The following FAT1 variants were observed in gnomAD, a reference collection of about 807,000 sequenced individuals.
The protein encoded by FAT1 is protocadherin Fat 1.
Under a neutral mutation model 329.8 loss-of-function variants are expected in FAT1, and 171 were observed. The observed-to-expected ratio is 0.52, with a 90% CI of 0.46 to 0.59. The LOEUF is 0.59. Among genes scored for constraint, FAT1 ranks in the 20% least tolerant of loss-of-function variants. FAT1 has a pLI of 0.00. For synonymous variants in FAT1, 2,233 were observed against 2,228.6 expected (o/e 1.00, Z -0.06); for missense variants, 5,672 against 5,774.4 (o/e 0.98, Z 0.57).
chr4:186,711,540 C>T lies in FAT1; in HGVS notation c.-18-1695G>A, dbSNP rs920271523. Among the ~76,000 whole-genome samples, 3 of 152,166 alleles carry T rather than the reference C, an allele frequency of 2.0e-5. No individual in the cohort carries two copies. The South Asian group carries it at 6.2e-4, about 32-fold the overall frequency. On this transcript the variant is annotated intron_variant, in intron 1 of 26. Transcript: ENST00000441802. ...AGTTCAACCTACAGGTATGGAGGAC[C>T]TTATCAGACAGAACCTTGCATGGTG...
rs1738910859 is a variant in FAT1, at chr4:186,603,294, G to A, written c.11232C>T (p.Pro3744=). 1 of 1,613,836 alleles carries A rather than the reference G, an allele frequency of 6.2e-7. No individual in the cohort carries two copies. The highest frequency in any genetic ancestry group is 1.3e-5 in the African/African-American group (1 of 74,910). ...ACACCTTTTCATCGCAGAACTTCCA[G>A]GGGCAGTCCAGTCCCGCGCAGAGTT... ...FQKLCAGLDC[P]WKFCDEKVSV... is the part of the protein sequence containing the mutation. The change falls in exon 19 of 27, where the codon CCC becomes CCT. Residue 3744 remains proline, a synonymous_variant. Transcript: ENST00000441802.
At chr4:186,668,849 G>C (rs992101906) in intron 2 of FAT1, among the ~76,000 whole-genome samples, 4 of 152,034 alleles carry the variant, frequency 2.6e-5, no homozygotes, top group African/African-American at 9.7e-5. Flanking sequence ...TAAAACTAAA[G>C]ACATCCAGTC....
In FAT1 at chr4:186,590,277, G is replaced by A. The variant is rs1275845854; in HGVS notation, c.13139-1057C>T. The A allele has an allele frequency of 1.2e-5, 9 of 744,966 alleles. 1 individual carries two copies. The Admixed American group carries it at 2.1e-4, about 18-fold the overall frequency. The allele number at this position is 744,966 out of a possible 1,614,324, so 46.1% of individuals were successfully genotyped here. On this transcript the variant is annotated intron_variant, in intron 26 of 26. Coordinates refer to ENST00000441802, the MANE Select transcript of FAT1 (RefSeq NM_005245.4). Reference sequence around the variant, plus strand: ...GTACTTAGTTACTGCTGCAAACACTGGGCGACCCAGCGTAGTCAGTCAGCA... The same window carrying A: ...GTACTTAGTTACTGCTGCAAACACTAGGCGACCCAGCGTAGTCAGTCAGCA...
intron 2 of FAT1, among the ~76,000 whole-genome samples, chr4:186,667,215 C>A (rs1039678743): frequency 6.6e-6 from 1 of 152,314 alleles, no homozygotes; most frequent in East Asian, 1.9e-4. Context: ...CCGTAAGCGT[C>A]CAGACTGCAG....
intron 9 of FAT1, among the ~76,000 whole-genome samples, chr4:186,624,196 G>A (rs1740183820): frequency 7.5e-6 from 1 of 132,670 alleles, no homozygotes; most frequent in South Asian, 2.3e-4. Flanking sequence ...ACTGACTTTA[G>A]CTACAATATG....
intron 3 of FAT1, among the ~76,000 whole-genome samples, chr4:186,654,435 C>G (rs1162732698): frequency 6.6e-6 from 1 of 152,100 alleles, no homozygotes; most frequent in Admixed American, 6.5e-5. Context: ...AGGGGCAAAA[C>G]AAGGAAAATT....
At position 186,706,625 on chromosome 4, in the gene FAT1, TC is replaced by T; in HGVS notation, c.3202del (p.Glu1068ArgfsTer17). 1 of 1,613,942 alleles carries T rather than the reference TC, an allele frequency of 6.2e-7. No homozygotes were observed. The highest frequency in any genetic ancestry group is 8.5e-7 in the Non-Finnish European group (1 of 1,179,890). On this transcript the variant is annotated frameshift_variant, in exon 2 of 27. Transcript: ENST00000441802. LOFTEE classifies it high-confidence loss of function. ...GCCATCTCTAATGGAGTATCGGATCTCCCCATCTCTTCTGGCGTCCTCATCA... is the reference window on the plus strand; with the variant it reads ...GCCATCTCTAATGGAGTATCGGATCTCCCATCTCTTCTGGCGTCCTCATCA... ...AHDEDARRDG[E>X]IRYSIRDGSG...
chr4:186,612,990 G>C, intron 13 of FAT1, 119 bp downstream of exon 13: 1 of 640,974 alleles, frequency 1.6e-6, no homozygotes. Context: ...ACAAGGAAGG[G>C]CTATGGAACA....
chr4:186,689,298 A>C (rs1466501957), intron 2 of FAT1, among the ~76,000 whole-genome samples: 1 of 152,228 alleles, frequency 6.6e-6, no homozygotes, highest in African/African-American at 2.4e-5. Flanking sequence ...TATGCCCCCC[A>C]AAAAGCTATT....
rs978008112 is a variant in FAT1 at position 186,644,884 on chromosome 4, G to A, written c.3581-5101C>T. On this transcript the variant is annotated intron_variant, in intron 3 of 26. Coordinates refer to ENST00000441802, the MANE Select transcript of FAT1 (RefSeq NM_005245.4). ...TGCATTCAGTCAACTGTGTTGTACT[G>A]TCCACTCAGAAAGTGGAGATAAGAC... 7.9e-5 allele frequency among the ~76,000 whole-genome samples: 12 copies of A among 152,192 alleles called. No individual in the cohort carries two copies. The South Asian group carries it at 2.3e-3, about 29-fold the overall frequency.
At position 186,620,781 on chromosome 4, in the gene FAT1, A is replaced by G. The variant is rs2126519026; in HGVS notation, c.5805T>C (p.Ala1935=). ...EKFSMDYKTG[A]LTVQNTTQLR... ...ACTGAGTTGTGTTTTGGACAGTGAGAGCACCAGTCTTGTAGTCCATAGAAA... is the reference window on the plus strand; with the variant it reads ...ACTGAGTTGTGTTTTGGACAGTGAGGGCACCAGTCTTGTAGTCCATAGAAA... The change falls in exon 10 of 27, where the codon GCT becomes GCC. Residue 1935 remains alanine (A), a synonymous_variant. Transcript: ENST00000441802. The G allele has an allele frequency of 6.2e-7, 1 of 1,614,018 alleles. No individual in the cohort carries two copies. The highest frequency in any genetic ancestry group is 8.5e-7 in the Non-Finnish European group (1 of 1,179,900).
At position 186,708,931 on chromosome 4, in the gene FAT1, A is replaced by G. The variant is rs1744798121; in HGVS notation, c.897T>C (p.Leu299=). Residue 299 remains leucine (L), a synonymous_variant, in exon 2 of 27, where the codon CTT becomes CTC. Coordinates refer to ENST00000441802, the MANE Select transcript of FAT1 (RefSeq NM_005245.4). ...IASLSIVAGD[L]LQQFRTVRSF... ...ACCTCACTGTTCTAAACTGCTGGAG[A>G]AGGTCACCTGCCACGATGCTTAAAG... 6.2e-7 allele frequency: 1 copy of G among 1,613,912 alleles called. No individual in the cohort carries two copies. The highest frequency in any genetic ancestry group is 8.5e-7 in the Non-Finnish European group (1 of 1,179,846).
intron 2 of FAT1, among the ~76,000 whole-genome samples, chr4:186,669,967 C>G (rs985605987): frequency 1.3e-4 from 20 of 152,238 alleles, no homozygotes; most frequent in African/African-American, 4.6e-4. Flanking sequence ...CCAGCATTCC[C>G]TCCCGCTGAC....
rs3836619 is a variant in FAT1, at chr4:186,596,136, G to GA, written c.13001-311dup. Among the ~76,000 whole-genome samples the GA allele has an allele frequency of 0.066, 9,970 of 151,854 alleles. 929 individuals are homozygous for GA. Among genetic ancestry groups the GA allele is most frequent in the African/African-American group, 0.21 (8,701 of 41,388 alleles). On this transcript the variant is annotated intron_variant, in intron 25 of 26. Coordinates refer to ENST00000441802, the MANE Select transcript of FAT1 (RefSeq NM_005245.4). This position sits in a 1 kb window ranked among gnomAD's most constrained non-coding sequence, Gnocchi z 4.7. ...TAAAATAGTATGTACAGCTTTAAAA[G>GA]AAAAAAGCATCAAATATATGTTAGG...
chr4:186,610,667 T>TA lies in FAT1; in HGVS notation c.9854-653dup, dbSNP rs1356404764. On this transcript the variant is annotated intron_variant, in intron 14 of 26. Coordinates refer to ENST00000441802, the MANE Select transcript of FAT1 (RefSeq NM_005245.4). ...ATAATTTATATAAATATAAATTATA[T>TA]AATTTATATAAATATAAATTATATA... Among the ~76,000 whole-genome samples the TA allele has an allele frequency of 1.1e-3, 78 of 69,750 alleles. 3 individuals carry two copies. Among genetic ancestry groups the TA allele is most frequent in the South Asian group, 1.9e-3 (6 of 3,198 alleles). The allele number at this position is 69,750 out of a possible 152,430, so 45.8% of individuals were successfully genotyped here.
Position 186,663,574 on chromosome 4 carries a change from G to A in FAT1, c.3305C>T (p.Thr1102Ile), listed in dbSNP as rs1161140037. The A allele has an allele frequency of 6.2e-7, 1 of 1,611,624 alleles. No individual in the cohort carries two copies. The highest frequency in any genetic ancestry group is 8.5e-7 in the Non-Finnish European group (1 of 1,179,850). Reference protein sequence around the residue: ...ETSDRLDRESTSHYWLTVFAT... With the variant: ...ETSDRLDRESISHYWLTVFAT... ...AAAGACTGTTAGCCAATAATGGGAG[G>A]TCGATTCACGGTCCAGTCGATCTGA... Residue 1102 changes from threonine to isoleucine, a missense_variant, in exon 3 of 27, where the codon ACC (threonine) becomes ATC (isoleucine). Physicochemically the swap from Thr to Ile is moderately conservative, Grantham distance 89. Transcript: ENST00000441802.
intron 1 of FAT1, among the ~76,000 whole-genome samples, chr4:186,719,551 A>T (rs2126721570): frequency 6.6e-6 from 1 of 152,274 alleles, no homozygotes; most frequent in East Asian, 1.9e-4. Flanking sequence ...TTCCCAAATC[A>T]ACCAAGTTTG....
chr4:186,713,115 ACAT>A (rs1745043126), intron 1 of FAT1, among the ~76,000 whole-genome samples: 3 of 151,838 alleles, frequency 2.0e-5, no homozygotes, highest in Admixed American at 1.3e-4. Context: ...CAGTACTGAC[ACAT>A]CATCAACTAC....
chr4:186,716,051 C>A (rs1579504378), intron 1 of FAT1, among the ~76,000 whole-genome samples: 1 of 152,192 alleles, frequency 6.6e-6, no homozygotes, highest in East Asian at 1.9e-4. Flanking sequence ...TAGATGACCT[C>A]AAGCTCAAGT....
Sources: allele counts gnomAD v4.1 joint callset (sites outside exome capture counted in the v4.1 genomes callset), GRCh38; gene constraint gnomAD v4.1.1; non-coding constraint Gnocchi (gnomAD v3.1); transcripts MANE v1.5; gene names NCBI Gene and HGNC (gene_info 2026-07-23, HGNC 2026-07-21).